Variants in GPHN observed in about 807,000 individuals in gnomAD.
The protein encoded by GPHN is gephyrin.
In GPHN, 17 loss-of-function variants were observed where a neutral mutation model predicts 95.5. The ratio of observed to expected loss-of-function variants is 0.18; its 90% confidence interval spans 0.12 to 0.27. The LOEUF is 0.27. Among genes scored for constraint, GPHN ranks in the 10% least tolerant of loss-of-function variants. The probability of loss-of-function intolerance (pLI) is 1.00; values close to 1 mark genes in which losing one functional copy is unlikely to be tolerated. For synonymous variants in GPHN, 320 were observed against 322.5 expected (o/e 0.99, Z 0.08); for missense variants, 660 against 978.1 (o/e 0.67, Z 4.34).
chr14:67,378,593 C>T, the GPHN span, among the ~76,000 whole-genome samples: 10 of 152,150 alleles, frequency 6.6e-5, no homozygotes, highest in Admixed American at 6.5e-4. Context: ...ATATTTCTGT[C>T]CTGCAGTCCT....
the GPHN span, chr14:67,384,434 A>C: frequency 6.6e-6 from 1 of 151,912 alleles, no homozygotes; most frequent in Admixed American, 6.6e-5. Flanking sequence ...AATAAGTTTC[A>C]TAGGTAACAC....
At position 66,657,041 on chromosome 14, in the gene GPHN, G is replaced by A. The variant is rs80038445; in HGVS notation, c.65-24066G>A. ...CTCGCACCAAACACTTAGCCAAGGT[G>A]TGAATGGAAACTAAAAGTTTTTGAA... On this transcript the variant is annotated intron_variant, in intron 1 of 22. Coordinates refer to ENST00000478722, the MANE Select transcript of GPHN (RefSeq NM_020806.5). Among the ~76,000 whole-genome samples the A allele has an allele frequency of 3.6e-3, 553 of 152,272 alleles. 12 individuals carry two copies. Among genetic ancestry groups the A allele is most frequent in the African/African-American group, 0.013 (527 of 41,564 alleles).
intron 2 of GPHN, 32 bp from the exon 3 acceptor site, chr14:66,776,432 G>T (rs2059384734): frequency 7.8e-7 from 1 of 1,287,064 alleles, no homozygotes; most frequent in African/African-American, 1.5e-5. Flanking sequence ...ACTATTGCTG[G>T]TTTTGAGAAT....
chr14:67,624,960 A>ATT, the GPHN span, among the ~76,000 whole-genome samples: 1 of 152,190 alleles, frequency 6.6e-6, no homozygotes, highest in Non-Finnish European at 1.5e-5. Flanking sequence ...CAGTGAAACC[A>ATT]GGAGGCTGGC....
the GPHN span, among the ~76,000 whole-genome samples, chr14:67,186,900 A>T: frequency 2.6e-5 from 4 of 152,200 alleles, no homozygotes; most frequent in African/African-American, 9.7e-5. Context: ...AGTGATTGAG[A>T]AACAGCTCTC....
At chr14:66,840,736 C>CAAAAA (rs553788734) in intron 4 of GPHN, among the ~76,000 whole-genome samples, 28 of 81,162 alleles carry the variant, frequency 3.4e-4, no homozygotes, top group Middle Eastern at 0.014. Flanking sequence ...GCAGGCCATA[C>CAAAAA]AAAAAAAAAA....
chr14:67,188,821 TTTTCTTTC>T, the GPHN span, among the ~76,000 whole-genome samples: 1 of 150,878 alleles, frequency 6.6e-6, no homozygotes, highest in South Asian at 2.1e-4. Flanking sequence ...TTCTTTTTCT[TTTTCTTTC>T]TTTCTTTCTT....
intron 5 of GPHN, among the ~76,000 whole-genome samples, chr14:66,910,238 TAA>T (rs1383327866): frequency 1.3e-5 from 2 of 151,934 alleles, no homozygotes; most frequent in Non-Finnish European, 2.9e-5. Context: ...AAATTACAAA[TAA>T]AGAGACTTTA....
chr14:67,365,667 C>T, the GPHN span, among the ~76,000 whole-genome samples: 4 of 152,086 alleles, frequency 2.6e-5, no homozygotes, highest in South Asian at 4.1e-4. Context: ...AATACCATTA[C>T]GTAGGTTTTA....
At chr14:67,385,466 T>C in the GPHN span, 4 of 151,158 alleles carry the variant, frequency 2.6e-5, no homozygotes, top group Non-Finnish European at 5.9e-5. Context: ...ACCAAAAATC[T>C]TGAATCTCCC....
chr14:67,388,519 G>T, the GPHN span, among the ~76,000 whole-genome samples: 1 of 152,168 alleles, frequency 6.6e-6, no homozygotes, highest in Non-Finnish European at 1.5e-5. Flanking sequence ...GCCCATCAAT[G>T]TTGCAGTTAC....
chr14:67,338,665 T>G, the GPHN span: 2 of 1,614,152 alleles, frequency 1.2e-6, no homozygotes, highest in African/African-American at 1.3e-5. Flanking sequence ...GCCAGAAGAT[T>G]AGCAGGCTCC....
chr14:66,879,619 A>C (rs2063834232), intron 4 of GPHN, among the ~76,000 whole-genome samples: 1 of 152,112 alleles, frequency 6.6e-6, no homozygotes, highest in East Asian at 1.9e-4. Context: ...AAATCTACTA[A>C]GTTGTTATAG....
chr14:67,257,797 T>C, the GPHN span, among the ~76,000 whole-genome samples: 5 of 152,298 alleles, frequency 3.3e-5, no homozygotes, highest in South Asian at 1.0e-3. Context: ...ACTGAATTGT[T>C]CTTCATAGTA....
the GPHN span, among the ~76,000 whole-genome samples, chr14:67,607,511 C>T: frequency 3.9e-5 from 6 of 152,118 alleles, no homozygotes; most frequent in East Asian, 5.8e-4. Flanking sequence ...GGACTACAGA[C>T]GCATGCCACC....
At chr14:67,679,327 A>C in the GPHN span, among the ~76,000 whole-genome samples, 2 of 152,108 alleles carry the variant, frequency 1.3e-5, no homozygotes, top group African/African-American at 4.8e-5. Context: ...TTTCCAACAT[A>C]TGAACCTTGA....
chr14:67,716,179 A>AC, the GPHN span, among the ~76,000 whole-genome samples: 1 of 150,930 alleles, frequency 6.6e-6, no homozygotes, highest in Non-Finnish European at 1.5e-5. Context: ...CCTGGACGAC[A>AC]GAGTGAGACT....
At chr14:66,624,347 C>G (rs928372802) in intron 1 of GPHN, among the ~76,000 whole-genome samples, 1 of 152,192 alleles carries the variant, frequency 6.6e-6, no homozygotes, top group Non-Finnish European at 1.5e-5. Flanking sequence ...AGTATAGGAT[C>G]TGTATCTGAA....
chr14:67,546,206 G>A, the GPHN span, among the ~76,000 whole-genome samples: 1 of 151,982 alleles, frequency 6.6e-6, no homozygotes, highest in Non-Finnish European at 1.5e-5. Context: ...GGGGGAAGGG[G>A]GTAAAATTGG....
Sources: gnomAD v4.1 joint callset for allele counts (sites outside exome capture counted in the v4.1 genomes callset) on GRCh38, gnomAD v4.1.1 for gene constraint, MANE v1.5 for transcripts, NCBI Gene and HGNC (gene_info 2026-07-23, HGNC 2026-07-21) for gene names.